Variants in DCST2 observed in about 807,000 individuals in gnomAD.
The protein encoded by DCST2 is DC-STAMP domain containing 2.
In DCST2, 64 loss-of-function variants were observed where a neutral mutation model predicts 81.8. That is an observed-to-expected ratio of 0.78 (90% CI 0.64 to 0.96). The LOEUF is 0.96. Among genes scored for constraint, DCST2 ranks in the 40% least tolerant of loss-of-function variants. The pLI is 0.00. For synonymous variants in DCST2, 354 were observed against 402.6 expected, an observed-to-expected ratio of 0.88 and a Z score of 1.44; for missense variants, 945 against 1,001.4, an observed-to-expected ratio of 0.94 and a Z score of 0.76.
At chr1:155,019,378 C>A (rs569210269) in intron 14 of DCST2, among the ~76,000 whole-genome samples, 1 of 152,342 alleles carries the variant, frequency 6.6e-6, no homozygotes, top group Non-Finnish European at 1.5e-5. Context: ...GGTCCTGCAA[C>A]CTCGTCGCTA....
In DCST2 at chr1:155,033,228, C is replaced by T; in HGVS notation, c.305G>A (p.Gly102Glu). The T allele has an allele frequency of 6.2e-7, 1 of 1,613,862 alleles. No individual in the cohort carries two copies. The highest frequency in any genetic ancestry group is 8.5e-7 in the Non-Finnish European group (1 of 1,179,904). ...GRTLLLVAAF[G>E]LVLQGPCANT... ...GGCACAAGGCCCTTGAAGCACCAAC[C>T]CAAAAGCAGCCACCAACAGTAGTGT... Residue 102 changes from glycine to glutamate, a missense_variant, in exon 2 of 15, where the codon GGG becomes GAG. Coordinates refer to ENST00000368424, the MANE Select transcript of DCST2 (RefSeq NM_144622.3).
chr1:155,021,200 T>C (rs952093286), intron 14 of DCST2, among the ~76,000 whole-genome samples: 2 of 151,524 alleles, frequency 1.3e-5, no homozygotes, highest in Admixed American at 6.6e-5. Flanking sequence ...GGGGTTTCAC[T>C]ATGTTAGCCA....
chr1:155,026,505 C>CA (rs1187601152), intron 9 of DCST2, 43 bp downstream of exon 9: 1 of 1,612,918 alleles, frequency 6.2e-7, no homozygotes, highest in Admixed American at 1.7e-5. Flanking sequence ...TCATTTCCCA[C>CA]ATGGTGTCCA....
chr1:155,023,392 A>G lies in DCST2; in HGVS notation c.1936T>C (p.Ser646Pro). The G allele has an allele frequency of 6.2e-7, 1 of 1,608,660 alleles. No individual in the cohort carries two copies. The highest frequency in any genetic ancestry group is 8.5e-7 in the Non-Finnish European group (1 of 1,177,384). Residue 646 changes from serine to proline, a missense_variant, in exon 13 of 15, where the codon TCC (serine) becomes CCC (proline). Ser to Pro is a moderately conservative substitution (Grantham distance 74). Coordinates refer to ENST00000368424, the MANE Select transcript of DCST2 (RefSeq NM_144622.3). ...NTCSVCASPL[S>P]YQGDLDLELD... Reference sequence around the variant, plus strand: ...TCCAGGTCCAGGTCCCCCTGGTAGGAGAGGGGAGATGCACACACGGAGCAG... The same window carrying G: ...TCCAGGTCCAGGTCCCCCTGGTAGGGGAGGGGAGATGCACACACGGAGCAG...
intron 3 of DCST2, 131 bp from the exon 4 acceptor site, chr1:155,031,902 G>A (rs1211008196): frequency 1.3e-5 from 12 of 942,894 alleles, no homozygotes; most frequent in Middle Eastern, 3.2e-4. Context: ...GCTGTGTCCA[G>A]TGAACACTAG....
At chr1:155,029,995 C>A in intron 7 of DCST2, 89 bp downstream of exon 7, 2 of 1,563,650 alleles carry the variant, frequency 1.3e-6, no homozygotes. Flanking sequence ...CTGAGCCCTG[C>A]CTGTGCAGGG....
At chr1:155,033,323 C>G (rs1660159590) in intron 1 of DCST2, 59 bp from the exon 2 acceptor site, 1 of 1,588,712 alleles carries the variant, frequency 6.3e-7, no homozygotes, top group African/African-American at 1.3e-5. Context: ...CAGCAAGTCC[C>G]TTACATAAGC....
rs1293929991 is a variant in DCST2, at chr1:155,026,339, C to T, written c.1574G>A (p.Arg525Gln). The T allele has an allele frequency of 3.1e-6, 5 of 1,613,840 alleles. No individual in the cohort carries two copies. The highest frequency in any genetic ancestry group is 4.5e-5 in the East Asian group (2 of 44,876). ...TGGGTAGTAGGAGGCACAGATGACTCGCCGCAGCCGGCTGACATAGCTGCC... is the reference window on the plus strand; with the variant it reads ...TGGGTAGTAGGAGGCACAGATGACTTGCCGCAGCCGGCTGACATAGCTGCC... ...LFGSYVSRLR[R>Q]VICASYYPSR... The change falls in exon 10 of 15, where the codon CGA becomes CAA. Residue 525 changes from arginine to glutamine, a missense_variant. Transcript: ENST00000368424.
chr1:155,032,641 C>T lies in DCST2; in HGVS notation c.541+26G>A, dbSNP rs774938024. ...CAGGACTGGGTGCATTTTGAGTCCC[C>T]GGGATAGACATGCTAATGTGCTTAC... On this transcript the variant is annotated intron_variant, in intron 3 of 14. Transcript: ENST00000368424. The T allele has an allele frequency of 1.6e-5, 25 of 1,605,730 alleles. No homozygotes were observed. In the Middle Eastern group the frequency reaches 5.1e-4, roughly 33 times the overall value.
chr1:155,031,370 C>G lies in DCST2; in HGVS notation c.740-136G>C, dbSNP rs181940618. On this transcript the variant is annotated intron_variant, in intron 4 of 14. Transcript: ENST00000368424. ...CACATTTGCTCAAAACCTTGTAGCA[C>G]CTCCCTGTCGCCCTTCTCTCCCAAC... The G allele has an allele frequency of 5.9e-5, 63 of 1,067,976 alleles. No homozygotes were observed. In the East Asian group the frequency reaches 1.6e-3, roughly 27 times the overall value. The allele number at this position is 1,067,976 out of a possible 1,614,324, so 66.2% of individuals were successfully genotyped here.
rs1659838889 is a variant in DCST2, at chr1:155,024,323, T to C, written c.1742+149A>G. The C allele has an allele frequency of 5.4e-6, 6 of 1,111,874 alleles. No individual in the cohort carries two copies. In the South Asian group the frequency reaches 1.2e-4, roughly 22 times the overall value. The allele number at this position is 1,111,874 out of a possible 1,614,324, so 68.9% of individuals were successfully genotyped here. On this transcript the variant is annotated intron_variant, in intron 11 of 14. Transcript: ENST00000368424. ...ATAATAATAAATTAAAAAAAAGAAT[T>C]CCCACCTTTCACAGCGTTAAGGGTA...
At position 155,023,704 on chromosome 1, in the gene DCST2, A is replaced by T. The variant is rs1016464596; in HGVS notation, c.1870+128T>A. 3.2e-6 allele frequency: 5 copies of T among 1,571,900 alleles called. No individual in the cohort carries two copies. The Admixed American group carries it at 7.7e-5, about 24-fold the overall frequency. Reference sequence around the variant, plus strand: ...GCTCTGTGTAAATGAGAACGTGCATAGTAATGAAGGGAGGGGCACAAAAGA... The same window carrying T: ...GCTCTGTGTAAATGAGAACGTGCATTGTAATGAAGGGAGGGGCACAAAAGA... On this transcript the variant is annotated intron_variant, in intron 12 of 14. Transcript: ENST00000368424.
chr1:155,029,546 G>GT, intron 7 of DCST2, 149 bp from the exon 8 acceptor site: 1 of 804,426 alleles, frequency 1.2e-6, no homozygotes. Flanking sequence ...TGAGGACTCT[G>GT]GCAAGGATGG....
intron 5 of DCST2, 77 bp from the exon 6 acceptor site, chr1:155,030,722 G>T: frequency 6.6e-7 from 1 of 1,516,534 alleles, no homozygotes; most frequent in South Asian, 1.2e-5. Flanking sequence ...GGAGGGGCCT[G>T]GCACAGCCCA....
chr1:155,023,821 G>A lies in DCST2; in HGVS notation c.1870+11C>T, dbSNP rs778220060. 3 of 1,613,086 alleles carry A rather than the reference G, an allele frequency of 1.9e-6. No homozygotes were observed. Among genetic ancestry groups the A allele is most frequent in the Non-Finnish European group, 2.5e-6 (3 of 1,179,670 alleles). On this transcript the variant is annotated intron_variant, in intron 12 of 14. Coordinates refer to ENST00000368424, the MANE Select transcript of DCST2 (RefSeq NM_144622.3). ...CGAGCAGGGAGAGGCACACGCCCCA[G>A]GGGGTCTCACCTTGGCAGCCGGGGG...
At chr1:155,023,646 A>C (rs1659816137) in intron 12 of DCST2, 186 bp downstream of exon 12, 1 of 1,550,154 alleles carries the variant, frequency 6.5e-7, no homozygotes, top group Non-Finnish European at 8.7e-7. Flanking sequence ...CGGGAGAATA[A>C]AGGCAAGCAT....
At chr1:155,032,606 C>A (rs753423718) in intron 3 of DCST2, 61 bp downstream of exon 3, 1 of 1,454,650 alleles carries the variant, frequency 6.9e-7, no homozygotes, top group East Asian at 2.3e-5. Flanking sequence ...CATGAGCCAC[C>A]GCACCCGGCC....
chr1:155,026,396 A>G lies in DCST2; in HGVS notation c.1517T>C (p.Met506Thr), dbSNP rs756052451. The G allele has an allele frequency of 2.5e-6, 4 of 1,613,740 alleles. No individual in the cohort carries two copies. Among genetic ancestry groups the G allele is most frequent in the Non-Finnish European group, 3.4e-6 (4 of 1,180,018 alleles). ...DSTGYIVIGV[M>T]YGLCFFITLF... ...GGTGATGAAGAAGCATAGGCCATAC[A>G]TGACGCCTGGGAGCACAGCAGCCAC... is the stretch of plus-strand genomic sequence containing the variant. Residue 506 changes from methionine to threonine, a missense_variant, in exon 10 of 15, where the codon ATG becomes ACG. Transcript: ENST00000368424.
rs1659818785 is a variant in DCST2, at chr1:155,023,743, A to G, written c.1870+89T>C. ...GGGCACAAAAGATGAGGTACAAGAG[A>G]AGTCCATCAAGGAAGGACCACAGTG... is the stretch of plus-strand genomic sequence containing the variant. On this transcript the variant is annotated intron_variant, in intron 12 of 14. Coordinates refer to ENST00000368424, the MANE Select transcript of DCST2 (RefSeq NM_144622.3). 5 of 1,595,066 alleles carry G rather than the reference A, an allele frequency of 3.1e-6. No homozygotes were observed. In the South Asian group the frequency reaches 5.7e-5, roughly 18 times the overall value.
Sources: gnomAD v4.1 joint callset for allele counts (sites outside exome capture counted in the v4.1 genomes callset) on GRCh38, gnomAD v4.1.1 for gene constraint, MANE v1.5 for transcripts, NCBI Gene and HGNC (gene_info 2026-07-23, HGNC 2026-07-21) for gene names.